Variants in STAM2 observed in about 807,000 individuals in gnomAD.
The protein encoded by STAM2 is signal transducing adaptor molecule 2.
In STAM2, 51 loss-of-function variants were observed where a neutral mutation model predicts 65.6. That is an observed-to-expected ratio of 0.78 (90% CI 0.62 to 0.98). STAM2 has a LOEUF of 0.98. Among genes scored for constraint, STAM2 ranks in the 50% least tolerant of loss-of-function variants. The pLI, the probability that STAM2 is intolerant of heterozygous loss-of-function variation, is 0.00. For synonymous variants in STAM2, 198 were observed against 208.4 expected (o/e 0.95, Z 0.43); for missense variants, 584 against 617.8 (o/e 0.95, Z 0.58).
chr2:152,143,694 T>A, intron 7 of STAM2, 133 bp downstream of exon 7: 1 of 597,638 alleles, frequency 1.7e-6, no homozygotes, highest in East Asian at 3.1e-5. Flanking sequence ...GCCTAACTTT[T>A]ATTTTAGAAA....
At chr2:152,153,232 T>A (rs1175638959) in intron 1 of STAM2, among the ~76,000 whole-genome samples, 1 of 152,190 alleles carries the variant, frequency 6.6e-6, no homozygotes, top group Non-Finnish European at 1.5e-5. Context: ...GTATCACATT[T>A]TATGTCTTTT....
intron 1 of STAM2, among the ~76,000 whole-genome samples, chr2:152,171,399 CA>C (rs1185691778): frequency 2.2e-5 from 3 of 138,840 alleles, no homozygotes; most frequent in Non-Finnish European, 4.5e-5. Context: ...TATTCAAAAC[CA>C]AAAAACTTTT....
intron 1 of STAM2, among the ~76,000 whole-genome samples, chr2:152,171,362 A>C (rs1018651287): frequency 6.6e-6 from 1 of 152,224 alleles, no homozygotes; most frequent in Non-Finnish European, 1.5e-5. Context: ...TATTAGAAAA[A>C]AAACTGGCTG....
chr2:152,166,715 C>T (rs1689793444), intron 1 of STAM2, among the ~76,000 whole-genome samples: 1 of 152,002 alleles, frequency 6.6e-6, no homozygotes, highest in Non-Finnish European at 1.5e-5. Context: ...ACCTCAAGGA[C>T]TTAGTACTGC....
At chr2:152,150,910 TGCCC>T (rs1251528203) in intron 1 of STAM2, among the ~76,000 whole-genome samples, 1 of 152,152 alleles carries the variant, frequency 6.6e-6, no homozygotes, top group Admixed American at 6.5e-5. Context: ...CTCACTATGT[TGCCC>T]AGGCTGGTCT....
In STAM2 at chr2:152,165,124, G is replaced by A. The variant is rs979222938; in HGVS notation, c.40+10479C>T. Among the ~76,000 whole-genome samples the A allele has an allele frequency of 6.6e-5, 10 of 152,078 alleles. No homozygotes were observed. In the South Asian group the frequency reaches 8.3e-4, roughly 13 times the overall value. On this transcript the variant is annotated intron_variant, in intron 1 of 13. Transcript: ENST00000263904. ...TGTGCTAGACATTTTCTAGTGGCTG[G>A]GATAAAGGAAAAATGAGTCGGTCGG...
intron 1 of STAM2, among the ~76,000 whole-genome samples, chr2:152,158,689 T>A (rs1360634313): frequency 6.6e-6 from 1 of 152,144 alleles, no homozygotes; most frequent in Non-Finnish European, 1.5e-5. Flanking sequence ...ACTGGGTAGT[T>A]CGTAAAGAAC....
chr2:152,153,176 T>C (rs948499950), intron 1 of STAM2, among the ~76,000 whole-genome samples: 8 of 152,190 alleles, frequency 5.3e-5, no homozygotes, highest in African/African-American at 1.9e-4. Context: ...TTTTTTCTGC[T>C]AGTATGGAGA....
Position 152,132,116 on chromosome 2 carries a change from A to T in STAM2, c.1023T>A (p.Asp341Glu). 6.2e-7 allele frequency: 1 copy of T among 1,610,820 alleles called. No individual in the cohort carries two copies. The highest frequency in any genetic ancestry group is 1.1e-5 in the South Asian group (1 of 90,872). Residue 341 changes from aspartate to glutamate, a missense_variant and splice_region_variant, in exon 11 of 14, where the codon GAT (aspartate) becomes GAA (glutamate). Asp to Glu is a conservative substitution (Grantham distance 45). Transcript: ENST00000263904. ...PMIDEKLEEI[D>E]RKHSELSELN... ...TATTCCTGCACGAAAAATCTCACCT[A>T]TCAATTTCTTCAAGTTTTTCATCTA...
In STAM2 at chr2:152,175,706, G is replaced by T; in HGVS notation, c.-64C>A. 6.4e-7 allele frequency: 1 copy of T among 1,556,138 alleles called. No homozygotes were observed. The highest frequency in any genetic ancestry group is 8.7e-7 in the Non-Finnish European group (1 of 1,147,862). ...GACACTCAGCAACTGCTACCCGCCGGGTGACCCGCGGCCGCGGCTCCCTAG... is the reference window on the plus strand; with the variant it reads ...GACACTCAGCAACTGCTACCCGCCGTGTGACCCGCGGCCGCGGCTCCCTAG... On this transcript the variant is annotated 5_prime_UTR_variant, in exon 1 of 14. Transcript: ENST00000263904.
chr2:152,122,048 CAAAA>C (rs1172684242), intron 13 of STAM2, among the ~76,000 whole-genome samples: 11 of 117,544 alleles, frequency 9.4e-5, no homozygotes, highest in African/African-American at 1.7e-4. Context: ...ACTCCGTCCC[CAAAA>C]AAAAAATATA....
Position 152,122,526 on chromosome 2 carries a change from A to C in STAM2, c.1349+1240T>G, listed in dbSNP as rs551162507. Among the ~76,000 whole-genome samples the C allele has an allele frequency of 3.6e-3, 551 of 152,326 alleles. 4 individuals carry two copies. The highest frequency in any genetic ancestry group is 6.8e-3 in the Middle Eastern group (2 of 294). On this transcript the variant is annotated intron_variant, in intron 13 of 13. Transcript: ENST00000263904. ...AAAACTACACCAGTTTTTTCTCCACAGTTCCTAGTGTTACCAAACATAGCA... is the reference window on the plus strand; with the variant it reads ...AAAACTACACCAGTTTTTTCTCCACCGTTCCTAGTGTTACCAAACATAGCA...
intron 11 of STAM2, among the ~76,000 whole-genome samples, chr2:152,127,618 A>T (rs941389286): frequency 6.6e-6 from 1 of 151,974 alleles, no homozygotes; most frequent in Admixed American, 6.6e-5. Context: ...AAACCTACTT[A>T]AATAATTATC....
intron 11 of STAM2, among the ~76,000 whole-genome samples, chr2:152,130,417 A>C (rs1018553846): frequency 6.6e-6 from 1 of 151,786 alleles, no homozygotes. Flanking sequence ...ACGCCCGGCT[A>C]ATTTTTTGTA....
rs2105548321 is a variant in STAM2 at position 152,147,215 on chromosome 2, T to A, written c.394A>T (p.Thr132Ser). The A allele has an allele frequency of 8.7e-6, 14 of 1,611,944 alleles. No individual in the cohort carries two copies. The highest frequency in any genetic ancestry group is 1.2e-5 in the Non-Finnish European group (14 of 1,179,254). The change falls in exon 5 of 14, where the codon ACT (threonine) becomes TCT (serine). Residue 132 changes from threonine to serine, a missense_variant. Physicochemically the swap from Thr to Ser is moderately conservative, Grantham distance 58 (BLOSUM62 1). Transcript: ENST00000263904. ...KDPQFSLISA[T>S]IKSMKEEGIT... ...CCTTCTTCTTTCATAGATTTAATAG[T>A]TGCAGATATCAGACTAAACTGAGGG...
chr2:152,172,942 T>C (rs1579340788), intron 1 of STAM2, among the ~76,000 whole-genome samples: 1 of 151,822 alleles, frequency 6.6e-6, no homozygotes, highest in South Asian at 2.1e-4. Context: ...AGAAAGCTCC[T>C]ATCTGAAGGT....
In STAM2 at chr2:152,148,340, C is replaced by G. The variant is rs757144902; in HGVS notation, c.126-40G>C. 3.4e-6 allele frequency: 5 copies of G among 1,458,524 alleles called. No individual in the cohort carries two copies. The East Asian group carries it at 1.1e-4, about 33-fold the overall frequency. The allele number at this position is 1,458,524 out of a possible 1,614,324, so 90.3% of individuals were successfully genotyped here. On this transcript the variant is annotated intron_variant, in intron 2 of 13. Coordinates refer to ENST00000263904, the MANE Select transcript of STAM2 (RefSeq NM_005843.6). ...AGAGAGAGAGACAGTTAAGTATTTACTGATAAATTTAATTCAAACATTAAG... is the reference window on the plus strand; with the variant it reads ...AGAGAGAGAGACAGTTAAGTATTTAGTGATAAATTTAATTCAAACATTAAG...
rs369198380 is a variant in STAM2, at chr2:152,149,350, A to T, written c.125+795T>A. 9.8e-5 allele frequency among the ~76,000 whole-genome samples: 15 copies of T among 152,298 alleles called. No individual in the cohort carries two copies. The East Asian group carries it at 1.9e-3, about 20-fold the overall frequency. On this transcript the variant is annotated intron_variant, in intron 2 of 13. Transcript: ENST00000263904. ...TGTAAATTAATCCCATAAATCCAGC[A>T]TTCAGGCTTTTTTAACTTTTATGTC...
In STAM2 at chr2:152,126,217, C is replaced by A; in HGVS notation, c.1179+9G>T. ...TAATTTAGAAAATGTTCTCAAAAAA[C>A]ATGCTCACCTGCATTGGAACCCCAG... On this transcript the variant is annotated intron_variant, in intron 12 of 13. Transcript: ENST00000263904. 6.4e-7 allele frequency: 1 copy of A among 1,554,314 alleles called. No homozygotes were observed. Among genetic ancestry groups the A allele is most frequent in the Admixed American group, 2.1e-5 (1 of 48,298 alleles).
Sources: allele counts gnomAD v4.1 joint callset (sites outside exome capture counted in the v4.1 genomes callset), GRCh38; gene constraint gnomAD v4.1.1; transcripts MANE v1.5; gene names NCBI Gene and HGNC (gene_info 2026-07-23, HGNC 2026-07-21).